Variants in ME3 observed in about 807,000 individuals in gnomAD.
The protein encoded by ME3 is malic enzyme 3, also known as NADP-dependent malic enzyme, mitochondrial.
A neutral mutation model predicts 68.9 loss-of-function variants in ME3; 48 were observed. That is an observed-to-expected ratio of 0.70 (90% CI 0.55 to 0.89). ME3 has a LOEUF of 0.89. ME3 is among the 40% of genes least tolerant of loss of function. ME3 has a pLI of 0.00. For missense variants in ME3, 675 were observed against 797.4 expected (o/e 0.85, Z 1.85); for synonymous variants, 320 against 318.8 (o/e 1.00, Z -0.04).
At chr11:86,557,198 A>T (rs1258202963) in intron 3 of ME3, among the ~76,000 whole-genome samples, 1 of 152,050 alleles carries the variant, frequency 6.6e-6, no homozygotes, top group African/African-American at 2.4e-5. Flanking sequence ...GCATATAAGC[A>T]CTCTAGGACT....
downstream of ME3, chr11:86,436,954 C>A (rs1335942026): frequency 6.6e-6 from 1 of 152,086 alleles, no homozygotes; most frequent in African/African-American, 2.4e-5. Flanking sequence ...TTAAGGTGTA[C>A]AAGTGCAGTT....
chr11:86,527,714 A>G (rs1377423447), intron 4 of ME3, among the ~76,000 whole-genome samples: 1 of 152,242 alleles, frequency 6.6e-6, no homozygotes, highest in African/African-American at 2.4e-5. Context: ...ACATTCTTAA[A>G]GAAAAGAATT....
intron 5 of ME3, among the ~76,000 whole-genome samples, chr11:86,502,247 C>T (rs1952774694): frequency 6.6e-6 from 1 of 152,232 alleles, no homozygotes; most frequent in South Asian, 2.1e-4. Flanking sequence ...CATTTCCCTC[C>T]AGGAAGCTTC....
At chr11:86,522,052 C>T (rs1409099113) in intron 4 of ME3, among the ~76,000 whole-genome samples, 3 of 152,196 alleles carry the variant, frequency 2.0e-5, no homozygotes, top group East Asian at 3.8e-4. Context: ...GAGTTTGAGA[C>T]AAGCCTGGCC....
At chr11:86,642,656 T>C (rs1944742892) in intron 2 of ME3, among the ~76,000 whole-genome samples, 1 of 152,126 alleles carries the variant, frequency 6.6e-6, no homozygotes, top group Non-Finnish European at 1.5e-5. Context: ...TGAGTCACGA[T>C]CATGCCACTT....
At chr11:86,487,732 T>G (rs1455547557) in intron 6 of ME3, among the ~76,000 whole-genome samples, 1 of 152,056 alleles carries the variant, frequency 6.6e-6, no homozygotes, top group Non-Finnish European at 1.5e-5. Context: ...GGCTTTAGGG[T>G]TATTTCAGGA....
intron 5 of ME3, among the ~76,000 whole-genome samples, chr11:86,507,865 G>T (rs918150358): frequency 2.0e-5 from 3 of 151,666 alleles, no homozygotes; most frequent in African/African-American, 7.3e-5. Flanking sequence ...CATGCCTGTC[G>T]TCCCAGCTAC....
chr11:86,590,292 G>A (rs555811324), intron 2 of ME3, among the ~76,000 whole-genome samples: 7 of 152,194 alleles, frequency 4.6e-5, no homozygotes, highest in African/African-American at 1.2e-4. Flanking sequence ...CTGAAGATAC[G>A]GACATGAGAA....
intron 6 of ME3, among the ~76,000 whole-genome samples, chr11:86,496,056 A>C (rs1287607936): frequency 6.6e-6 from 1 of 152,192 alleles, no homozygotes; most frequent in Non-Finnish European, 1.5e-5. Flanking sequence ...CTGCAGATGA[A>C]GCCTGAATAA....
At chr11:86,508,290 C>G (rs577528776) in intron 5 of ME3, among the ~76,000 whole-genome samples, 1 of 152,310 alleles carries the variant, frequency 6.6e-6, no homozygotes, top group South Asian at 2.1e-4. Context: ...AGGCCCAGCT[C>G]CACTGTCACT....
intron 2 of ME3, among the ~76,000 whole-genome samples, chr11:86,640,898 C>T (rs1039989976): frequency 6.6e-6 from 1 of 152,074 alleles, no homozygotes; most frequent in Non-Finnish European, 1.5e-5. Context: ...ATCTCATCTC[C>T]AGGATATTGC....
intron 2 of ME3, among the ~76,000 whole-genome samples, chr11:86,641,248 T>C (rs1282074643): frequency 6.6e-6 from 1 of 151,902 alleles, no homozygotes; most frequent in Non-Finnish European, 1.5e-5. Context: ...GCAGCAAAAT[T>C]AACATAACTC....
intron 4 of ME3, among the ~76,000 whole-genome samples, chr11:86,518,059 A>G (rs1954016159): frequency 6.6e-6 from 1 of 152,206 alleles, no homozygotes; most frequent in African/African-American, 2.4e-5. Flanking sequence ...CTTATGGTAG[A>G]GAGTGGAAAA....
In ME3 at chr11:86,458,184, A is replaced by C. The variant is rs566527009; in HGVS notation, c.919+6907T>G. On this transcript the variant is annotated intron_variant, in intron 8 of 14. Coordinates refer to ENST00000543262, the Ensembl canonical transcript of ME3. ...TTCATTTATTCATTAGTATGTGCTG[A>C]GTGTTTGTTCTGGGCCTTCTCTGGG... Among the ~76,000 whole-genome samples the C allele has an allele frequency of 9.8e-5, 15 of 152,320 alleles. No individual in the cohort carries two copies. The South Asian group carries it at 3.1e-3, about 32-fold the overall frequency.
chr11:86,638,986 T>C (rs66909667), intron 2 of ME3, among the ~76,000 whole-genome samples: 25,614 of 152,140 alleles, frequency 0.17, 2,261 homozygotes, highest in Non-Finnish European at 0.19. Flanking sequence ...CTCTAGAGAA[T>C]GTTAGATTGG....
At chr11:86,618,964 C>T (rs760219226) in intron 2 of ME3, among the ~76,000 whole-genome samples, 9 of 152,208 alleles carry the variant, frequency 5.9e-5, no homozygotes, top group Non-Finnish European at 1.2e-4. Flanking sequence ...CCGCCTTGGC[C>T]TCCCGAAGTG....
intron 2 of ME3, among the ~76,000 whole-genome samples, chr11:86,573,954 ACCAGC>A (rs746453040): frequency 1.3e-5 from 2 of 152,196 alleles, no homozygotes; most frequent in Non-Finnish European, 2.9e-5. Context: ...TGTATGTTGA[ACCAGC>A]CTTGCATCCC....
At chr11:86,559,539 G>T in intron 3 of ME3, 151 bp downstream of exon 3, 1 of 908,218 alleles carries the variant, frequency 1.1e-6, no homozygotes, top group Non-Finnish European at 1.6e-6. Flanking sequence ...GGGAGACCAT[G>T]AATCCTTTAG....
chr11:86,476,360 T>A (rs1044346789), intron 7 of ME3, among the ~76,000 whole-genome samples: 2 of 151,650 alleles, frequency 1.3e-5, no homozygotes, highest in East Asian at 1.9e-4. Flanking sequence ...GGGGTGGGAG[T>A]TGGAGCCATC....
Sources: allele counts gnomAD v4.1 joint callset (sites outside exome capture counted in the v4.1 genomes callset), GRCh38; gene constraint gnomAD v4.1.1; transcripts MANE v1.5; gene names NCBI Gene and HGNC (gene_info 2026-07-23, HGNC 2026-07-21).